Variants in PARP8 observed in about 807,000 individuals in gnomAD.
The protein encoded by PARP8 is protein mono-ADP-ribosyltransferase PARP8.
A neutral mutation model predicts 124.1 loss-of-function variants in PARP8; 51 were observed. The observed-to-expected ratio is 0.41, with a 90% CI of 0.33 to 0.52. The LOEUF is 0.52. PARP8 is among the 20% of genes least tolerant of loss of function. PARP8 has a pLI of 0.21. For synonymous variants in PARP8, 391 were observed against 361.5 expected (o/e 1.08, Z -0.93); for missense variants, 860 against 1,018.9 (o/e 0.84, Z 2.12).
intron 3 of PARP8, chr5:50,757,145 A>G (rs1237047086): frequency 8.8e-6 from 4 of 455,650 alleles, no homozygotes; most frequent in African/African-American, 2.0e-5. Context: ...CACAATGCAC[A>G]TGGTGGTGGA....
chr5:50,759,554 T>G (rs1760323946), intron 3 of PARP8, 89 bp from the exon 4 acceptor site: 20 of 1,347,590 alleles, frequency 1.5e-5, no homozygotes, highest in Non-Finnish European at 1.8e-5. Flanking sequence ...GGAACTAAAG[T>G]GATGTGCATA....
rs565516012 is a variant in PARP8, at chr5:50,846,356, A to G, written c.*4288A>G. On this transcript the variant is annotated 3_prime_UTR_variant, in exon 26 of 26. Transcript: ENST00000281631. Reference sequence around the variant, plus strand: ...ATATTTAACAATATGTACATAATGTAAATACTGCCAAGAGATCAGTAAGGC... The same window carrying G: ...ATATTTAACAATATGTACATAATGTGAATACTGCCAAGAGATCAGTAAGGC... 1 of 151,896 alleles carries G rather than the reference A, an allele frequency of 6.6e-6. No individual in the cohort carries two copies. The highest frequency in any genetic ancestry group is 1.9e-4 in the East Asian group (1 of 5,158). 9.4% of individuals were successfully genotyped at this position (151,896 alleles called of 1,614,324 possible). A position where few individuals can be genotyped will look rare whatever the true frequency, so the allele number is the denominator to read the frequency against.
intron 2 of PARP8, among the ~76,000 whole-genome samples, chr5:50,720,974 A>G (rs1755815956): frequency 6.6e-6 from 1 of 151,910 alleles, no homozygotes; most frequent in Admixed American, 6.6e-5. Flanking sequence ...TTGTGCTCCA[A>G]GTCTCCAGGG....
intron 14 of PARP8, among the ~76,000 whole-genome samples, chr5:50,798,971 T>C (rs1390365918): frequency 6.6e-6 from 1 of 152,244 alleles, no homozygotes; most frequent in African/African-American, 2.4e-5. Context: ...CTGAATACTT[T>C]ATCTTTACCA....
chr5:50,740,340 G>C (rs992473945), intron 2 of PARP8, among the ~76,000 whole-genome samples: 1 of 152,140 alleles, frequency 6.6e-6, no homozygotes, highest in Non-Finnish European at 1.5e-5. Flanking sequence ...AGTTAACCAG[G>C]TCAAAAGGAG....
At chr5:50,822,075 AC>A (rs1729820008) in intron 16 of PARP8, among the ~76,000 whole-genome samples, 1 of 152,122 alleles carries the variant, frequency 6.6e-6, no homozygotes, top group Non-Finnish European at 1.5e-5. Context: ...GAGCCCCATA[AC>A]TTTTTTGTGT....
intron 2 of PARP8, among the ~76,000 whole-genome samples, chr5:50,689,320 A>G (rs1164066978): frequency 6.6e-6 from 1 of 152,208 alleles, no homozygotes; most frequent in East Asian, 1.9e-4. Context: ...GCAAAAACAA[A>G]TAGCTGTGAA....
At chr5:50,738,728 AAAAAG>A (rs1462897548) in intron 2 of PARP8, among the ~76,000 whole-genome samples, 7 of 151,848 alleles carry the variant, frequency 4.6e-5, no homozygotes, top group Non-Finnish European at 1.0e-4. Context: ...AAAAAAAAAA[AAAAAG>A]AAAATAGCAA....
Position 50,794,964 on chromosome 5 carries a change from A to G in PARP8, c.975A>G (p.Thr325=). ...TGCTGCGGAGGACTTGTTCCAGCAC[A>G]GTCAAGACTGATGATGTGTGTGTCA... ...HKLLRRTCSS[T]VKTDDVCVTK... is the part of the protein sequence containing the mutation. The change falls in exon 12 of 26, where the codon ACA becomes ACG. Residue 325 remains threonine, a synonymous_variant. Coordinates refer to ENST00000281631, the MANE Select transcript of PARP8 (RefSeq NM_024615.4). 1 of 1,614,234 alleles carries G rather than the reference A, an allele frequency of 6.2e-7. No homozygotes were observed. The highest frequency in any genetic ancestry group is 1.1e-5 in the South Asian group (1 of 91,090).
At chr5:50,827,615 TAAAAG>T (rs1239314918) in intron 19 of PARP8, among the ~76,000 whole-genome samples, 1 of 152,148 alleles carries the variant, frequency 6.6e-6, no homozygotes, top group Non-Finnish European at 1.5e-5. Flanking sequence ...ATAAAAATGT[TAAAAG>T]AAATGTAATT....
Position 50,795,436 on chromosome 5 carries a change from C to T in PARP8, c.1428+19C>T. On this transcript the variant is annotated intron_variant, in intron 12 of 25. Coordinates refer to ENST00000281631, the MANE Select transcript of PARP8 (RefSeq NM_024615.4). ...GCTTGCTGTGCGTAAATATTTTCAT[C>T]TTGAGTTCTTAAATGTTAGCTAAGG... 1 of 1,545,946 alleles carries T rather than the reference C, an allele frequency of 6.5e-7. No individual in the cohort carries two copies.
intron 7 of PARP8, among the ~76,000 whole-genome samples, chr5:50,773,832 ATTTT>A (rs35571636): frequency 7.3e-6 from 1 of 136,072 alleles, no homozygotes; most frequent in African/African-American, 2.8e-5. Flanking sequence ...TATTTCATTA[ATTTT>A]TTTTTTTTTT....
At chr5:50,668,251 T>A in intron 2 of PARP8, 126 bp downstream of exon 2, 5 of 874,324 alleles carry the variant, frequency 5.7e-6, no homozygotes, top group South Asian at 5.4e-5. Flanking sequence ...TTTCTTTACC[T>A]GCTACCCAAG....
chr5:50,842,812 T>C lies in PARP8; in HGVS notation c.*744T>C, dbSNP rs144197963. The C allele has an allele frequency of 3.3e-5, 5 of 151,818 alleles. No individual in the cohort carries two copies. Among genetic ancestry groups the C allele is most frequent in the African/African-American group, 1.2e-4 (5 of 41,486 alleles). The allele number at this position is 151,818 out of a possible 1,614,324, so 9.4% of individuals were successfully genotyped here. ...TATGAGCCAGATTTACCACCATTCA[T>C]TCACTGAAAATATTTGCAGACAATT... On this transcript the variant is annotated 3_prime_UTR_variant, in exon 26 of 26. Coordinates refer to ENST00000281631, the MANE Select transcript of PARP8 (RefSeq NM_024615.4).
chr5:50,713,374 A>G (rs1193287949), intron 2 of PARP8, among the ~76,000 whole-genome samples: 1 of 151,890 alleles, frequency 6.6e-6, no homozygotes, highest in African/African-American at 2.4e-5. Flanking sequence ...CCAAGTAGTT[A>G]GGACTACAGG....
At chr5:50,734,424 G>A (rs16884749) in intron 2 of PARP8, among the ~76,000 whole-genome samples, 6,586 of 152,224 alleles carry the variant, frequency 0.043, 455 homozygotes, top group African/African-American at 0.15. Context: ...GAGAACTAAA[G>A]TCATGAGGAT....
At position 50,845,677 on chromosome 5, in the gene PARP8, A is replaced by G. The variant is rs1297489230; in HGVS notation, c.*3609A>G. On this transcript the variant is annotated 3_prime_UTR_variant, in exon 26 of 26. Transcript: ENST00000281631. ...GGTAACAATGTCAGGGTTAACACCC[A>G]ATGAATTATTTGAAACAATTTGGGT... 3 of 151,918 alleles carry G rather than the reference A, an allele frequency of 2.0e-5. No individual in the cohort carries two copies. The highest frequency in any genetic ancestry group is 2.0e-4 in the Admixed American group (3 of 15,200). 9.4% of individuals were successfully genotyped at this position (151,918 alleles called of 1,614,324 possible).
At chr5:50,721,160 A>G (rs150468417) in intron 2 of PARP8, among the ~76,000 whole-genome samples, 20 of 151,368 alleles carry the variant, frequency 1.3e-4, no homozygotes, top group Middle Eastern at 3.4e-3. Context: ...CAGTCATCTT[A>G]TAGCCTTCAG....
In PARP8 at chr5:50,682,310, C is replaced by T. The variant is rs1209726991; in HGVS notation, c.146+14185C>T. 2.0e-5 allele frequency among the ~76,000 whole-genome samples: 3 copies of T among 152,080 alleles called. No homozygotes were observed. In the East Asian group the frequency reaches 5.8e-4, roughly 29 times the overall value. On this transcript the variant is annotated intron_variant, in intron 2 of 25. Transcript: ENST00000281631. ...GGGTGTCGAATATTTGATGCCATTT[C>T]CTTTGCTTGTAAATTGTTCATTTCA... is the stretch of plus-strand genomic sequence containing the variant.
Sources: allele counts gnomAD v4.1 joint callset (sites outside exome capture counted in the v4.1 genomes callset), GRCh38; gene constraint gnomAD v4.1.1; transcripts MANE v1.5; gene names NCBI Gene and HGNC (gene_info 2026-07-23, HGNC 2026-07-21).